Variants in SCN11A observed in about 807,000 individuals in gnomAD.
SCN11A encodes the protein sodium voltage-gated channel alpha subunit 11, also known as sodium channel protein type 11 subunit alpha.
A neutral mutation model predicts 162.2 loss-of-function variants in SCN11A; 122 were observed. The ratio of observed to expected loss-of-function variants is 0.75; its 90% CI spans 0.65 to 0.87. The LOEUF (loss-of-function observed/expected upper bound fraction) is 0.87, where lower values mean the gene tolerates loss of function less well. SCN11A is among the 40% of genes least tolerant of loss of function. The pLI is 0.00. For synonymous variants in SCN11A, 758 were observed against 751.5 expected, an observed-to-expected ratio of 1.01 and a Z score of -0.14; for missense variants, 2,015 against 2,181.6, an observed-to-expected ratio of 0.92 and a Z score of 1.52.
chr3:38,890,587 G>A (rs1448657351), intron 19 of SCN11A, among the ~76,000 whole-genome samples: 2 of 152,238 alleles, frequency 1.3e-5, no homozygotes, highest in African/African-American at 2.4e-5. Context: ...ATCACTTCCT[G>A]AATTTAATTG....
intron 7 of SCN11A, among the ~76,000 whole-genome samples, chr3:38,941,938 C>T (rs1327967284): frequency 6.6e-6 from 1 of 151,842 alleles, no homozygotes; most frequent in Non-Finnish European, 1.5e-5. Flanking sequence ...AAGCAAAAAC[C>T]AACTATATGT....
At chr3:39,012,401 T>G (rs900222490) in intron 2 of SCN11A, among the ~76,000 whole-genome samples, 2 of 151,620 alleles carry the variant, frequency 1.3e-5, no homozygotes, top group South Asian at 2.1e-4. Context: ...CCTTCCTTAC[T>G]TCCTTCCTTC....
intron 2 of SCN11A, among the ~76,000 whole-genome samples, chr3:38,964,220 G>A (rs910399086): frequency 1.3e-5 from 2 of 152,192 alleles, no homozygotes; most frequent in African/African-American, 4.8e-5. Context: ...GCCGTCCCTT[G>A]GTGATGGCAG....
At chr3:38,849,784 C>A (rs2064744264) in intron 29 of SCN11A, 1 of 152,052 alleles carries the variant, frequency 6.6e-6, no homozygotes, top group African/African-American at 2.4e-5. Flanking sequence ...CTTTTGTATT[C>A]TTTTATAAGC....
chr3:38,881,085 A>T (rs557517581), intron 22 of SCN11A, among the ~76,000 whole-genome samples: 2 of 152,252 alleles, frequency 1.3e-5, no homozygotes, highest in African/African-American at 4.8e-5. Flanking sequence ...CAATTGCCAA[A>T]TTGGTTTCTG....
rs13093915 is a variant in SCN11A at position 38,885,486 on chromosome 3, T to G, written c.2950-84A>C. 0.11 allele frequency: 81,899 copies of G among 767,738 alleles called. 4,924 individuals are homozygous for G. Among genetic ancestry groups the G allele is most frequent in the Admixed American group, 0.16 (7,275 of 45,478 alleles). The allele number at this position is 767,738 out of a possible 1,614,324, so 47.6% of individuals were successfully genotyped here. ...TAGTACGGAGTTTCTCATTGTCTGA[T>G]TTTTTAAGGATGAAATGAACTAGGC... On this transcript the variant is annotated intron_variant, in intron 20 of 29. Transcript: ENST00000302328.
chr3:39,020,295 G>A (rs977448871), intron 2 of SCN11A, among the ~76,000 whole-genome samples: 5 of 152,320 alleles, frequency 3.3e-5, no homozygotes, highest in Middle Eastern at 3.4e-3. Flanking sequence ...GAATAAAAAA[G>A]GATGTTCTCA....
intron 7 of SCN11A, among the ~76,000 whole-genome samples, chr3:38,929,136 C>G (rs1476793042): frequency 2.0e-5 from 1 of 49,136 alleles, no homozygotes; most frequent in South Asian, 1.3e-3. Flanking sequence ...TCTGTGCACG[C>G]ACACACACAC....
chr3:38,917,950 T>C (rs2065985640), intron 11 of SCN11A, among the ~76,000 whole-genome samples: 1 of 152,232 alleles, frequency 6.6e-6, no homozygotes, highest in Non-Finnish European at 1.5e-5. Context: ...GCATGGTATG[T>C]GTCCTCTGCC....
chr3:39,022,729 C>A (rs1307966443), intron 2 of SCN11A, among the ~76,000 whole-genome samples: 1 of 151,858 alleles, frequency 6.6e-6, no homozygotes, highest in African/African-American at 2.4e-5. Context: ...AAGAAAAATA[C>A]AATAAGCCAG....
At chr3:38,940,071 T>G (rs9851705) in intron 7 of SCN11A, among the ~76,000 whole-genome samples, 10,156 of 150,130 alleles carry the variant, frequency 0.068, 1,104 homozygotes, top group African/African-American at 0.23. Flanking sequence ...TATATATATA[T>G]ATATAGTTTT....
chr3:39,024,212 G>T (rs911476754), intron 2 of SCN11A, among the ~76,000 whole-genome samples: 17 of 152,354 alleles, frequency 1.1e-4, no homozygotes, highest in African/African-American at 3.8e-4. Context: ...TTATGTTTAG[G>T]TTCGATGAAG....
intron 7 of SCN11A, among the ~76,000 whole-genome samples, chr3:38,933,348 C>T (rs2066275992): frequency 6.6e-6 from 1 of 152,210 alleles, no homozygotes; most frequent in Admixed American, 6.5e-5. Context: ...CAGCTCCTCA[C>T]CAGCAACGGA....
rs773726638 is a variant in SCN11A at position 38,846,758 on chromosome 3, T to G, written c.5312A>C (p.Gln1771Pro). The stretch of plus-strand genomic sequence containing the variant: ...AGACAAGTCTCCATTGCAAAGAGTC[T>G]GGAGTGGTGAATGAGGCCCGTTTTC... ...DLENGPHSPL[Q>P]TLCNGDLSSF... is the part of the protein sequence containing the mutation. Residue 1771 changes from glutamine (Q) to proline (P), a missense_variant, in exon 30 of 30, where the codon CAG becomes CCG. By Grantham distance (76) the Gln-to-Pro change is moderately conservative. Transcript: ENST00000302328. The G allele has an allele frequency of 6.2e-7, 1 of 1,614,128 alleles. No homozygotes were observed. The highest frequency in any genetic ancestry group is 1.1e-5 in the South Asian group (1 of 91,078).
chr3:39,044,974 A>AACTGTTAC (rs1046084801), intron 1 of SCN11A, among the ~76,000 whole-genome samples: 8 of 151,976 alleles, frequency 5.3e-5, no homozygotes, highest in African/African-American at 1.9e-4. Context: ...GAAAAAAAAC[A>AACTGTTAC]ACTGTTACCA....
At chr3:39,023,293 A>G (rs934213216) in intron 2 of SCN11A, among the ~76,000 whole-genome samples, 1 of 152,214 alleles carries the variant, frequency 6.6e-6, no homozygotes, top group African/African-American at 2.4e-5. Flanking sequence ...TCCATAATAA[A>G]AAAGCATTTA....
chr3:38,867,212 C>A (rs2126092464), intron 27 of SCN11A, 109 bp downstream of exon 27: 1 of 1,026,998 alleles, frequency 9.7e-7, no homozygotes, highest in East Asian at 2.5e-5. Flanking sequence ...TGTTATTGTG[C>A]AGATCATAAA....
chr3:38,883,434 T>G, intron 21 of SCN11A, 47 bp from the exon 22 acceptor site: 1 of 1,548,150 alleles, frequency 6.5e-7, no homozygotes. Context: ...TGTAATAAAC[T>G]GCATTAAAAT....
chr3:38,846,917 T>C lies in SCN11A; in HGVS notation c.5153A>G (p.Lys1718Arg). ...EEKFMEANPL[K>R]KLYEPIVTTT... Reference sequence around the variant, plus strand: ...GGTGACTATGGGTTCATACAACTTCTTGAGAGGATTGGCTTCCATGAACTT... The same window carrying C: ...GGTGACTATGGGTTCATACAACTTCCTGAGAGGATTGGCTTCCATGAACTT... Residue 1718 changes from lysine (K) to arginine (R), a missense_variant, in exon 30 of 30, where the codon AAG becomes AGG. Transcript: ENST00000302328. 6.2e-7 allele frequency: 1 copy of C among 1,614,162 alleles called. No individual in the cohort carries two copies. Among genetic ancestry groups the C allele is most frequent in the Non-Finnish European group, 8.5e-7 (1 of 1,180,004 alleles).
Sources: allele counts gnomAD v4.1 joint callset (sites outside exome capture counted in the v4.1 genomes callset), GRCh38; gene constraint gnomAD v4.1.1; transcripts MANE v1.5; gene names NCBI Gene and HGNC (gene_info 2026-07-23, HGNC 2026-07-21).